WWOX: variants seen among roughly 807,000 people sequenced by gnomAD.
WWOX encodes WW domain-containing oxidoreductase.
Under a neutral mutation model 46.2 loss-of-function variants are expected in WWOX, and 69 were observed. The ratio of observed to expected loss-of-function variants is 1.49; its 90% CI spans 1.23 to 1.82. The LOEUF (loss-of-function observed/expected upper bound fraction) is 1.82. Among genes scored for constraint, WWOX ranks in the 40% most tolerant of loss-of-function variants. The probability of loss-of-function intolerance (pLI) is 0.00; values close to 1 mark genes in which losing one functional copy is unlikely to be tolerated. For missense variants in WWOX, 919 were observed against 542.6 expected (o/e 1.69, Z -6.89); for synonymous variants, 359 against 202.6 (o/e 1.77, Z -6.56).
chr16:78,741,289 G>A (rs998844555), intron 8 of WWOX, among the ~76,000 whole-genome samples: 18 of 152,180 alleles, frequency 1.2e-4, no homozygotes, highest in African/African-American at 3.6e-4. Flanking sequence ...GGTCAGGCGC[G>A]GTGGCTCACG....
At chr16:78,957,623 A>G (rs1470001840) in intron 8 of WWOX, among the ~76,000 whole-genome samples, 2 of 152,186 alleles carry the variant, frequency 1.3e-5, no homozygotes, top group African/African-American at 2.4e-5. Flanking sequence ...CTCTTCGGAT[A>G]GATTCTATCT....
At chr16:79,030,934 T>G (rs1019911173) in intron 8 of WWOX, among the ~76,000 whole-genome samples, 2 of 151,422 alleles carry the variant, frequency 1.3e-5, no homozygotes, top group African/African-American at 2.4e-5. Flanking sequence ...AAGTAAAAAA[T>G]AAAATAAATT....
chr16:78,817,526 T>C (rs916196247), intron 8 of WWOX, among the ~76,000 whole-genome samples: 2 of 152,208 alleles, frequency 1.3e-5, no homozygotes, highest in African/African-American at 4.8e-5. Context: ...GGCTGAACTT[T>C]GCTTCAAATT....
intron 8 of WWOX, among the ~76,000 whole-genome samples, chr16:79,067,161 G>A (rs992837077): frequency 2.0e-5 from 3 of 152,208 alleles, no homozygotes; most frequent in African/African-American, 4.8e-5. Flanking sequence ...AGCTTTCATA[G>A]GGCCGGCCAT....
At chr16:78,494,203 C>G (rs533168065) in intron 8 of WWOX, among the ~76,000 whole-genome samples, 9 of 152,168 alleles carry the variant, frequency 5.9e-5, no homozygotes, top group Non-Finnish European at 1.0e-4. Flanking sequence ...AACTCTTTCA[C>G]AAGACAGCAC....
In WWOX at chr16:78,549,941, A is replaced by G. The variant is rs543841998; in HGVS notation, c.1056+117189A>G. ...GACTGAGAAAAAAGAAAGAAAAAAA[A>G]GAAAAGTCAGGAGAGGAGGACTGAA... On this transcript the variant is annotated intron_variant, in intron 8 of 8. Transcript: ENST00000566780. Among the ~76,000 whole-genome samples, 41 of 152,326 alleles carry G rather than the reference A, an allele frequency of 2.7e-4. 1 individual carries two copies. Among genetic ancestry groups the G allele is most frequent in the African/African-American group, 9.6e-4 (40 of 41,576 alleles).
chr16:78,492,950 A>G (rs2084821923), intron 8 of WWOX, among the ~76,000 whole-genome samples: 1 of 152,174 alleles, frequency 6.6e-6, no homozygotes, highest in African/African-American at 2.4e-5. Flanking sequence ...CATGCTTAGC[A>G]TACTACTCCA....
At chr16:78,302,905 T>C (rs2080065913) in intron 5 of WWOX, among the ~76,000 whole-genome samples, 1 of 152,216 alleles carries the variant, frequency 6.6e-6, no homozygotes, top group Non-Finnish European at 1.5e-5. Context: ...GAAATTTCCC[T>C]GTGGACCTCA....
chr16:78,996,137 T>G (rs1237980051), intron 8 of WWOX: 2 of 913,014 alleles, frequency 2.2e-6, no homozygotes, highest in Non-Finnish European at 2.6e-6. Context: ...AGGCGTAGAA[T>G]GTTCTTTTTT....
intron 8 of WWOX, among the ~76,000 whole-genome samples, chr16:78,710,498 A>ATTTTT (rs1555520990): frequency 7.5e-6 from 1 of 132,810 alleles, no homozygotes; most frequent in African/African-American, 2.9e-5. Context: ...ATATATATAT[A>ATTTTT]TTTATATAAA....
At chr16:78,972,198 C>A (rs2046484488) in intron 8 of WWOX, among the ~76,000 whole-genome samples, 1 of 152,248 alleles carries the variant, frequency 6.6e-6, no homozygotes, top group East Asian at 1.9e-4. Flanking sequence ...TGGCCATCAG[C>A]TGCCGTGCTT....
intron 3 of WWOX, chr16:78,111,859 C>G (rs2032509394): frequency 5.8e-6 from 1 of 172,322 alleles, no homozygotes; most frequent in South Asian, 1.4e-4. Context: ...CCTTCTCTCT[C>G]TGCTTCGGCT....
intron 8 of WWOX, among the ~76,000 whole-genome samples, chr16:78,820,181 C>G (rs1435029974): frequency 6.6e-6 from 1 of 152,010 alleles, no homozygotes; most frequent in African/African-American, 2.4e-5. Flanking sequence ...TAGGAGAAGC[C>G]CCCAGCCACT....
intron 8 of WWOX, among the ~76,000 whole-genome samples, chr16:78,608,110 T>G (rs1444041920): frequency 6.6e-6 from 1 of 152,178 alleles, no homozygotes; most frequent in Non-Finnish European, 1.5e-5. Flanking sequence ...GTGATGTGGC[T>G]TTCTCCAAGC....
chr16:78,613,356 C>T (rs559762159), intron 8 of WWOX, among the ~76,000 whole-genome samples: 56 of 152,090 alleles, frequency 3.7e-4, no homozygotes, highest in Non-Finnish European at 6.2e-4. Flanking sequence ...CATGCTGTGT[C>T]GCACTTGGTC....
At chr16:78,469,578 G>T (rs796294281) in intron 8 of WWOX, among the ~76,000 whole-genome samples, 1 of 152,090 alleles carries the variant, frequency 6.6e-6, no homozygotes, top group Non-Finnish European at 1.5e-5. Context: ...TGGATAAAAG[G>T]GGTCTAGTTA....
chr16:78,446,787 A>G (rs1774317929), intron 8 of WWOX, among the ~76,000 whole-genome samples: 1 of 147,118 alleles, frequency 6.8e-6, no homozygotes, highest in African/African-American at 2.5e-5. Context: ...CAGCCTCCTC[A>G]GTGGCTGGGA....
intron 8 of WWOX, among the ~76,000 whole-genome samples, chr16:78,561,553 C>T (rs1184617935): frequency 6.6e-6 from 1 of 150,394 alleles, no homozygotes; most frequent in Non-Finnish European, 1.5e-5. Context: ...TCCGGGAGGC[C>T]AATTTAGAAT....
intron 8 of WWOX, among the ~76,000 whole-genome samples, chr16:79,211,353 C>T (rs1215529890): frequency 2.0e-5 from 3 of 152,142 alleles, no homozygotes; most frequent in Non-Finnish European, 4.4e-5. Flanking sequence ...ATTTATTTTC[C>T]AAGCCTGTCC....
Sources: allele counts gnomAD v4.1 joint callset (sites outside exome capture counted in the v4.1 genomes callset), GRCh38; gene constraint gnomAD v4.1.1; transcripts MANE v1.5; gene names NCBI Gene and HGNC (gene_info 2026-07-23, HGNC 2026-07-21).